The following MED27 variants were observed in gnomAD, a reference collection of about 807,000 sequenced individuals.
MED27 encodes mediator of RNA polymerase II transcription subunit 27.
Under a neutral mutation model 38.2 loss-of-function variants are expected in MED27, and 30 were observed. The ratio of observed to expected loss-of-function variants is 0.79; its 90% CI spans 0.59 to 1.07. The LOEUF is 1.07. Among genes scored for constraint, MED27 ranks in the 50% least tolerant of loss-of-function variants. The probability of loss-of-function intolerance (pLI) is 0.00; values close to 1 mark genes in which losing one functional copy is unlikely to be tolerated. For synonymous variants in MED27, 122 were observed against 153.5 expected, an observed-to-expected ratio of 0.79 and a Z score of 1.52; for missense variants, 289 against 397.5, an observed-to-expected ratio of 0.73 and a Z score of 2.32.
intron 6 of MED27, among the ~76,000 whole-genome samples, chr9:131,877,252 T>C (rs1838952414): frequency 6.6e-6 from 1 of 152,040 alleles, no homozygotes; most frequent in Admixed American, 6.5e-5. Context: ...AGGAGGCTGG[T>C]AGGAGGAAAT....
chr9:131,972,329 GT>G (rs1222129802), intron 3 of MED27, among the ~76,000 whole-genome samples: 1 of 152,158 alleles, frequency 6.6e-6, no homozygotes, highest in East Asian at 1.9e-4. Context: ...GAGCAGGCAG[GT>G]TTTGCTCACT....
chr9:131,880,698 T>C (rs1197877139), intron 6 of MED27, among the ~76,000 whole-genome samples: 2 of 152,196 alleles, frequency 1.3e-5, no homozygotes, highest in South Asian at 4.1e-4. Context: ...TAGACTAATA[T>C]CAAATTTTAA....
intron 3 of MED27, among the ~76,000 whole-genome samples, chr9:131,995,472 G>A (rs1423242808): frequency 6.6e-6 from 1 of 152,132 alleles, no homozygotes; most frequent in South Asian, 2.1e-4. Context: ...TCCTCAAGGA[G>A]CACAACCATC....
intron 4 of MED27, among the ~76,000 whole-genome samples, chr9:131,921,944 G>A (rs1830398893): frequency 2.0e-5 from 3 of 149,974 alleles, no homozygotes; most frequent in South Asian, 2.1e-4. Context: ...AACACTGCAT[G>A]TTCTCACTCA....
At chr9:132,047,328 G>A (rs544982090) in intron 2 of MED27, among the ~76,000 whole-genome samples, 3 of 152,044 alleles carry the variant, frequency 2.0e-5, no homozygotes, top group African/African-American at 7.2e-5. Context: ...ACCAAATACA[G>A]TTGGGGTCCC....
Position 131,883,254 on chromosome 9 carries a change from A to G in MED27, c.723+804T>C, listed in dbSNP as rs1381829673. On this transcript the variant is annotated intron_variant, in intron 6 of 7. Coordinates refer to ENST00000292035, the MANE Select transcript of MED27 (RefSeq NM_004269.4). This position sits in a 1 kb window ranked among gnomAD's most constrained non-coding sequence, Gnocchi z 4.2. ...AACTCTCTTATTTCACTACTGGATG[A>G]GACCAGAGACAGAAGATGGATGAGA... Among the ~76,000 whole-genome samples the G allele has an allele frequency of 6.6e-6, 1 of 152,146 alleles. No homozygotes were observed. Among genetic ancestry groups the G allele is most frequent in the Non-Finnish European group, 1.5e-5 (1 of 68,038 alleles).
At chr9:132,019,844 C>G (rs928531413) in intron 2 of MED27, among the ~76,000 whole-genome samples, 1 of 152,210 alleles carries the variant, frequency 6.6e-6, no homozygotes, top group Non-Finnish European at 1.5e-5. Context: ...CCATGCCAAG[C>G]AGGCAGCCAC....
chr9:131,886,244 A>G (rs1839137894), intron 5 of MED27, among the ~76,000 whole-genome samples: 1 of 152,120 alleles, frequency 6.6e-6, no homozygotes, highest in African/African-American at 2.4e-5. Context: ...TGAAAATTTC[A>G]CTGTGTTTGA....
chr9:131,875,706 C>G (rs138913101), intron 6 of MED27, among the ~76,000 whole-genome samples: 1 of 152,334 alleles, frequency 6.6e-6, no homozygotes, highest in East Asian at 1.9e-4. Context: ...CTTAACCTCC[C>G]ACACCCAAAC....
intron 2 of MED27, among the ~76,000 whole-genome samples, chr9:132,069,325 G>C (rs969895710): frequency 2.0e-5 from 3 of 152,164 alleles, no homozygotes; most frequent in African/African-American, 7.2e-5. Context: ...AAAAGAATGA[G>C]GGAGTCACAA....
intron 3 of MED27, among the ~76,000 whole-genome samples, chr9:131,993,108 T>C (rs1738374994): frequency 6.6e-6 from 1 of 152,140 alleles, no homozygotes; most frequent in South Asian, 2.1e-4. Context: ...ATGTTCCAAA[T>C]CCCCAGCTTG....
intron 5 of MED27, among the ~76,000 whole-genome samples, chr9:131,886,295 G>T (rs1564268845): frequency 6.6e-6 from 1 of 152,164 alleles, no homozygotes; most frequent in Non-Finnish European, 1.5e-5. Flanking sequence ...TGATTCTGAG[G>T]AGGCCACTCT....
chr9:132,035,921 C>A (rs1833065579), intron 2 of MED27, among the ~76,000 whole-genome samples: 1 of 152,042 alleles, frequency 6.6e-6, no homozygotes, highest in Admixed American at 6.5e-5. Context: ...GCTCTGATCA[C>A]ACCACTGCAC....
At chr9:132,049,206 A>C (rs1209461063) in intron 2 of MED27, among the ~76,000 whole-genome samples, 1 of 152,236 alleles carries the variant, frequency 6.6e-6, no homozygotes, top group Admixed American at 6.5e-5. Context: ...TTTACTTGCA[A>C]GAAAAACACA....
intron 3 of MED27, among the ~76,000 whole-genome samples, chr9:131,989,852 T>C (rs758429406): frequency 2.0e-5 from 3 of 151,992 alleles, no homozygotes; most frequent in African/African-American, 2.4e-5. Context: ...AGCTATGATA[T>C]AGCTGTACTC....
chr9:131,870,022 C>G (rs868316375), intron 6 of MED27, among the ~76,000 whole-genome samples: 1 of 152,136 alleles, frequency 6.6e-6, no homozygotes, highest in Non-Finnish European at 1.5e-5. Context: ...TGCCAGTCAA[C>G]GTGCTGGAAA....
chr9:131,962,232 C>T (rs1211519545), intron 3 of MED27, among the ~76,000 whole-genome samples: 1 of 152,126 alleles, frequency 6.6e-6, no homozygotes, highest in East Asian at 1.9e-4. Flanking sequence ...AAAGTTTCCA[C>T]TGTTATTTAT....
At chr9:131,984,698 A>G (rs1372981865) in intron 3 of MED27, among the ~76,000 whole-genome samples, 1 of 152,186 alleles carries the variant, frequency 6.6e-6, no homozygotes, top group Non-Finnish European at 1.5e-5. Flanking sequence ...AATCTTCCAC[A>G]TGCTTCTCTG....
intron 3 of MED27, among the ~76,000 whole-genome samples, chr9:131,960,464 C>T (rs771731580): frequency 6.6e-6 from 1 of 152,170 alleles, no homozygotes; most frequent in Non-Finnish European, 1.5e-5. Context: ...GAGCTAGGGA[C>T]GTGGCTCATA....
Sources: allele counts gnomAD v4.1 joint callset (sites outside exome capture counted in the v4.1 genomes callset), GRCh38; gene constraint gnomAD v4.1.1; non-coding constraint Gnocchi (gnomAD v3.1); transcripts MANE v1.5; gene names NCBI Gene and HGNC (gene_info 2026-07-23, HGNC 2026-07-21).